UNC80: variants seen among roughly 807,000 people sequenced by gnomAD.
The protein encoded by UNC80 is protein unc-80 homolog.
A neutral mutation model predicts 384.6 loss-of-function variants in UNC80; 164 were observed. That is an observed-to-expected ratio of 0.43 (90% CI 0.38 to 0.49). The LOEUF is 0.49. Among genes scored for constraint, UNC80 ranks in the 20% least tolerant of loss-of-function variants. The probability of loss-of-function intolerance (pLI) is 0.00; values close to 1 mark genes in which losing one functional copy is unlikely to be tolerated. For missense variants in UNC80, 3,330 were observed against 4,143.0 expected (o/e 0.80, Z 5.39); for synonymous variants, 1,486 against 1,527.8 (o/e 0.97, Z 0.64).
intron 4 of UNC80, among the ~76,000 whole-genome samples, chr2:209,785,211 C>T (rs915663768): frequency 2.6e-5 from 4 of 152,154 alleles, no homozygotes; most frequent in Non-Finnish European, 5.9e-5. Flanking sequence ...GTTCCTGGGT[C>T]TCAGATGTAT....
At chr2:209,955,528 T>C (rs1479052925) in intron 48 of UNC80, among the ~76,000 whole-genome samples, 1 of 151,480 alleles carries the variant, frequency 6.6e-6, no homozygotes, top group Non-Finnish European at 1.5e-5. Flanking sequence ...AATAGTTTTC[T>C]ATGCTATTGC....
intron 56 of UNC80, among the ~76,000 whole-genome samples, chr2:209,975,554 C>G (rs527910323): frequency 3.3e-5 from 5 of 152,100 alleles, no homozygotes; most frequent in African/African-American, 4.8e-5. Flanking sequence ...TACTGGTTAC[C>G]TCTGGGGAGC....
At chr2:209,888,407 G>A in intron 26 of UNC80, 147 bp downstream of exon 26, 2 of 933,842 alleles carry the variant, frequency 2.1e-6, no homozygotes, top group Non-Finnish European at 3.1e-6. Flanking sequence ...GGAAAATCAT[G>A]CTTGTTAGAA....
At chr2:209,930,673 T>C (rs2090786722) in intron 37 of UNC80, among the ~76,000 whole-genome samples, 1 of 151,894 alleles carries the variant, frequency 6.6e-6, no homozygotes, top group South Asian at 2.1e-4. Flanking sequence ...AATATACAGC[T>C]TTCCTGTGAC....
chr2:209,786,854 A>G (rs576534266), intron 5 of UNC80, among the ~76,000 whole-genome samples: 82 of 151,966 alleles, frequency 5.4e-4, no homozygotes, highest in African/African-American at 1.9e-3. Flanking sequence ...GAAGTAAATG[A>G]GAGTGCATTA....
chr2:209,964,169 T>C (rs1354354239), intron 51 of UNC80, among the ~76,000 whole-genome samples: 1 of 152,148 alleles, frequency 6.6e-6, no homozygotes, highest in Non-Finnish European at 1.5e-5. Context: ...TTTATTACAA[T>C]GCTATAGTTA....
rs1392147705 is a variant in UNC80, at chr2:209,945,140, A to G, written c.7140A>G (p.Ile2380Met). 1 of 1,551,608 alleles carries G rather than the reference A, an allele frequency of 6.4e-7. No homozygotes were observed. The highest frequency in any genetic ancestry group is 8.7e-7 in the Non-Finnish European group (1 of 1,146,916). ...LQSLEGETTD[I>M]LDILELVKAE... ...CCCTAGAGGGAGAGACCACCGACAT[A>G]TTAGACATCTTAGAGCTGGTCAAAG... Residue 2380 changes from isoleucine to methionine, a missense_variant, in exon 46 of 65, where the codon ATA becomes ATG. Coordinates refer to ENST00000673920, the MANE Select transcript of UNC80 (RefSeq NM_001371986.1).
intron 4 of UNC80, among the ~76,000 whole-genome samples, chr2:209,781,998 C>T (rs552568599): frequency 1.3e-5 from 2 of 152,222 alleles, no homozygotes; most frequent in East Asian, 3.9e-4. Flanking sequence ...ATTTTTTCTC[C>T]TAAATATTGC....
chr2:209,937,832 C>T (rs1312269672), intron 42 of UNC80, among the ~76,000 whole-genome samples: 1 of 152,140 alleles, frequency 6.6e-6, no homozygotes, highest in Admixed American at 6.5e-5. Context: ...GTAAGAAACA[C>T]TCACTTGGAG....
intron 22 of UNC80, among the ~76,000 whole-genome samples, chr2:209,857,521 G>A (rs1675289470): frequency 6.6e-6 from 1 of 151,870 alleles, no homozygotes; most frequent in Non-Finnish European, 1.5e-5. Flanking sequence ...CCAGTCATTT[G>A]TCTATTTCAT....
chr2:209,977,786 T>C (rs1412842639), intron 58 of UNC80, among the ~76,000 whole-genome samples: 2 of 152,216 alleles, frequency 1.3e-5, no homozygotes, highest in Non-Finnish European at 2.9e-5. Context: ...TAACTATGTA[T>C]TAGCAGCAAA....
chr2:209,819,031 A>G lies in UNC80; in HGVS notation c.1732A>G (p.Asn578Asp), dbSNP rs867996995. The change falls in exon 12 of 65, where the codon AAT (asparagine) becomes GAT (aspartate). Residue 578 changes from asparagine (N) to aspartate (D), a missense_variant. Physicochemically the swap from Asn to Asp is conservative, Grantham distance 23. Around this residue, in one of 8 missense-constraint regions of UNC80, gnomAD observed 937 missense variants for 1,026.8 expected, o/e 0.91. Transcript: ENST00000673920. The part of the protein sequence containing the change: ...QISTITVATF[N>D]TTLASFNVGY... ...CTCCACCATCACAGTTGCGACCTTCAATACCACTTTGGCGTCATTCAACGT... is the reference window on the plus strand; with the variant it reads ...CTCCACCATCACAGTTGCGACCTTCGATACCACTTTGGCGTCATTCAACGT... The G allele has an allele frequency of 1.3e-6, 2 of 1,551,834 alleles. No individual in the cohort carries two copies. The highest frequency in any genetic ancestry group is 3.3e-4 in the Middle Eastern group (2 of 5,992).
intron 22 of UNC80, among the ~76,000 whole-genome samples, chr2:209,859,789 T>C (rs539090712): frequency 6.6e-6 from 1 of 152,348 alleles, no homozygotes; most frequent in East Asian, 1.9e-4. Context: ...TCAGTGATGT[T>C]GAGCTTTTTT....
Position 209,843,499 on chromosome 2 carries a change from A to T in UNC80, c.3454+1053A>T, listed in dbSNP as rs937768807. 7.9e-5 allele frequency among the ~76,000 whole-genome samples: 12 copies of T among 152,170 alleles called. 1 individual carries two copies. Among genetic ancestry groups the T allele is most frequent in the African/African-American group, 2.9e-4 (12 of 41,520 alleles). Reference sequence around the variant, plus strand: ...CCCCAGGAAGGAAATTAAGAGACAGAATCAATAATTTTGAGGAGAATCCAT... The same window carrying T: ...CCCCAGGAAGGAAATTAAGAGACAGTATCAATAATTTTGAGGAGAATCCAT... On this transcript the variant is annotated intron_variant, in intron 21 of 64. Transcript: ENST00000673920.
At position 209,982,279 on chromosome 2, in the gene UNC80, T is replaced by G. The variant is rs775984318; in HGVS notation, c.9219T>G (p.Ser3073=). 2 of 1,551,642 alleles carry G rather than the reference T, an allele frequency of 1.3e-6. No individual in the cohort carries two copies. Among genetic ancestry groups the G allele is most frequent in the East Asian group, 4.9e-5 (2 of 40,910 alleles). Reference sequence around the variant, plus strand: ...TCTCCAGCCATGTCTCCAGCATGTCTGTACCTCAGGCTGAGGTGGGCATGC... The same window carrying G: ...TCTCCAGCCATGTCTCCAGCATGTCGGTACCTCAGGCTGAGGTGGGCATGC... ...RRFSSHVSSM[S]VPQAEVGMLP... The change falls in exon 60 of 65, where the codon TCT becomes TCG. Residue 3073 remains serine (S), a synonymous_variant. Transcript: ENST00000673920.
intron 7 of UNC80, among the ~76,000 whole-genome samples, chr2:209,806,302 T>C (rs775035788): frequency 4.9e-4 from 74 of 152,338 alleles, no homozygotes; most frequent in Admixed American, 1.0e-3. Flanking sequence ...TCCATTCTGA[T>C]TTGCCAGTAA....
chr2:209,922,597 C>T (rs2090125128), intron 35 of UNC80, among the ~76,000 whole-genome samples: 3 of 152,132 alleles, frequency 2.0e-5, no homozygotes, highest in Non-Finnish European at 4.4e-5. Flanking sequence ...ATTTTAATTA[C>T]ATTGCATGTA....
chr2:209,816,454 A>G (rs1053316738), intron 9 of UNC80, among the ~76,000 whole-genome samples: 10 of 152,332 alleles, frequency 6.6e-5, no homozygotes, highest in African/African-American at 2.4e-4. Flanking sequence ...ATCATGAAAA[A>G]TGAAACAGAA....
intron 61 of UNC80, 126 bp downstream of exon 61, chr2:209,985,038 C>T: frequency 1.3e-6 from 1 of 794,950 alleles, no homozygotes; most frequent in Non-Finnish European, 1.9e-6. Context: ...CCATTCCTTG[C>T]CCTTTGTTGT....
Sources: gnomAD v4.1 joint callset for allele counts (sites outside exome capture counted in the v4.1 genomes callset) on GRCh38, gnomAD v4.1.1 for gene constraint, gnomAD v4.1.1 regional missense constraint, MANE v1.5 for transcripts, NCBI Gene and HGNC (gene_info 2026-07-23, HGNC 2026-07-21) for gene names.